IFT122: variants seen among roughly 807,000 people sequenced by gnomAD.
IFT122 encodes the protein intraflagellar transport 122, also known as intraflagellar transport protein 122 homolog.
A neutral mutation model predicts 161.6 loss-of-function variants in IFT122; 118 were observed. The observed-to-expected ratio is 0.73, with a 90% CI of 0.63 to 0.85. IFT122 has a LOEUF of 0.85. Ranked by LOEUF, IFT122 falls within the 40% of genes least tolerant of loss-of-function variation. The pLI, the probability that IFT122 is intolerant of heterozygous loss-of-function variation, is 0.00. For synonymous variants in IFT122, 550 were observed against 602.4 expected, an observed-to-expected ratio of 0.91 and a Z score of 1.27; for missense variants, 1,381 against 1,579.6, an observed-to-expected ratio of 0.87 and a Z score of 2.13.
intron 15 of IFT122, chr3:129,483,967 G>T: frequency 2.0e-6 from 1 of 489,214 alleles, no homozygotes; most frequent in Non-Finnish European, 3.8e-6. Flanking sequence ...CGTGTGTTTT[G>T]CAGAGAGCCC....
chr3:129,465,487 T>C (rs1284694772), intron 7 of IFT122, among the ~76,000 whole-genome samples: 33 of 138,038 alleles, frequency 2.4e-4, no homozygotes, highest in African/African-American at 9.6e-4. Flanking sequence ...TTTTTTTTTT[T>C]TGAGATGGAG....
At chr3:129,478,826 G>A (rs1292474155) in intron 12 of IFT122, among the ~76,000 whole-genome samples, 1 of 152,142 alleles carries the variant, frequency 6.6e-6, no homozygotes, top group Non-Finnish European at 1.5e-5. Context: ...ATAAATTGGT[G>A]TACAGAATGA....
Position 129,514,426 on chromosome 3 carries a change from C to G in IFT122, c.3025C>G (p.Leu1009Val). Residue 1009 changes from leucine (L) to valine (V), a missense_variant, in exon 25 of 30, where the codon CTC becomes GTC. This residue lies in a region of IFT122 where 496 missense variants were observed against 502.5 expected (regional missense o/e 0.99). Transcript: ENST00000348417. ...CACCTTGGCCAAGCAGAGCAAGGCC[C>G]TCGGTGCCTACAGGCTGGCCCGGCA... ...LFTLAKQSKALGAYRLARHAY... is the reference protein window; with the variant it reads ...LFTLAKQSKAVGAYRLARHAY... 6.2e-7 allele frequency: 1 copy of G among 1,614,210 alleles called. No homozygotes were observed. The highest frequency in any genetic ancestry group is 1.1e-5 in the South Asian group (1 of 91,086).
intron 7 of IFT122, among the ~76,000 whole-genome samples, chr3:129,465,540 G>A (rs530917892): frequency 3.5e-5 from 5 of 142,622 alleles, no homozygotes; most frequent in South Asian, 2.2e-4. Flanking sequence ...GCACAATCTC[G>A]GCTCACTGCA....
intron 8 of IFT122, among the ~76,000 whole-genome samples, chr3:129,467,889 C>T (rs1267356933): frequency 6.6e-6 from 1 of 152,228 alleles, no homozygotes; most frequent in Non-Finnish European, 1.5e-5. Flanking sequence ...GGGTCCCCAT[C>T]TCAGTGCCTT....
At position 129,466,901 on chromosome 3, in the gene IFT122, G is replaced by C. The variant is rs1402492516; in HGVS notation, c.575G>C (p.Ser192Thr). The change falls in exon 8 of 30, where the codon AGT becomes ACT. Residue 192 changes from serine (S) to threonine (T), a missense_variant. Coordinates refer to ENST00000348417, the MANE Select transcript of IFT122 (RefSeq NM_052989.3). ...ICWNPSSRWE[S>T]FWMNRENEDA... ...CTTACTGTCTACAGCCGATGGGAGA[G>C]TTTCTGGATGAACAGAGAGAATGAG... 6.2e-7 allele frequency: 1 copy of C among 1,614,136 alleles called. No individual in the cohort carries two copies. The highest frequency in any genetic ancestry group is 8.5e-7 in the Non-Finnish European group (1 of 1,179,936).
At chr3:129,494,080 G>A (rs2080512203) in intron 17 of IFT122, among the ~76,000 whole-genome samples, 1 of 152,182 alleles carries the variant, frequency 6.6e-6, no homozygotes, top group Non-Finnish European at 1.5e-5. Context: ...CTGACGGGGG[G>A]AAAGAACCTG....
At chr3:129,506,284 C>T (rs527859682) in intron 21 of IFT122, 125 bp from the exon 22 acceptor site, 6 of 1,069,278 alleles carry the variant, frequency 5.6e-6, no homozygotes, top group Non-Finnish European at 7.1e-6. Context: ...CGAAGCACTG[C>T]AGATGCTCCA....
At chr3:129,477,768 G>T (rs1426565492) in intron 11 of IFT122, among the ~76,000 whole-genome samples, 1 of 152,206 alleles carries the variant, frequency 6.6e-6, no homozygotes, top group Non-Finnish European at 1.5e-5. Context: ...GCAAGTGATG[G>T]TAACAGTGAG....
chr3:129,516,694 G>GCA (rs771398986), intron 26 of IFT122, among the ~76,000 whole-genome samples: 3,455 of 50,068 alleles, frequency 0.069, 176 homozygotes, highest in Non-Finnish European at 0.076. Flanking sequence ...GATTGCTCCT[G>GCA]CACACACACA....
In IFT122 at chr3:129,476,674, C is replaced by T. The variant is rs1009572821; in HGVS notation, c.1020C>T (p.Cys340=). ...KPDSNYVVVG[C]QDGTISFYQL... is the part of the protein sequence containing the mutation. The stretch of plus-strand genomic sequence containing the variant: ...CTCTCACCCCGCAGGTGGTCGGCTG[C>T]CAGGACGGCACCATTTCCTTCTACC... The change falls in exon 11 of 30, where the codon TGC becomes TGT. Residue 340 remains cysteine, a synonymous_variant. Coordinates refer to ENST00000348417, the MANE Select transcript of IFT122 (RefSeq NM_052989.3). The T allele has an allele frequency of 6.2e-7, 1 of 1,614,082 alleles. No homozygotes were observed. The highest frequency in any genetic ancestry group is 1.3e-5 in the African/African-American group (1 of 74,910).
chr3:129,514,800 C>T, intron 25 of IFT122: 1 of 600,094 alleles, frequency 1.7e-6, no homozygotes, highest in Non-Finnish European at 3.0e-6. Context: ...AGCCTGGCCT[C>T]CCTTGCTCCT....
intron 17 of IFT122, among the ~76,000 whole-genome samples, chr3:129,494,379 A>G (rs923345548): frequency 6.6e-6 from 1 of 152,094 alleles, no homozygotes; most frequent in Non-Finnish European, 1.5e-5. Flanking sequence ...CAAGATTTCA[A>G]TTCATTTCCA....
chr3:129,446,847 T>A (rs1442956970), intron 1 of IFT122, among the ~76,000 whole-genome samples: 1 of 152,166 alleles, frequency 6.6e-6, no homozygotes, highest in Non-Finnish European at 1.5e-5. Flanking sequence ...ACTTTTACTA[T>A]GGGTTGGGTT....
intron 25 of IFT122, 132 bp downstream of exon 25, chr3:129,514,686 A>T (rs2083261689): frequency 9.5e-7 from 1 of 1,048,156 alleles, no homozygotes. Context: ...CCCCCTGCTC[A>T]AGCCTGGCCA....
Position 129,481,700 on chromosome 3 carries a change from G to C in IFT122, c.1653+6G>C. The C allele has an allele frequency of 1.9e-6, 3 of 1,613,914 alleles. No homozygotes were observed. Among genetic ancestry groups the C allele is most frequent in the Non-Finnish European group, 2.5e-6 (3 of 1,179,828 alleles). ...CCAAGGAGCTGCTTTTTCAGGTGAA[G>C]TCCCTGAGGGGGCCCAGGGACATCA... On this transcript the variant is annotated splice_donor_region_variant and intron_variant, in intron 14 of 29. Transcript: ENST00000348417.
chr3:129,441,034 A>G (rs1282396615), intron 1 of IFT122, among the ~76,000 whole-genome samples: 1 of 152,226 alleles, frequency 6.6e-6, no homozygotes, highest in Non-Finnish European at 1.5e-5. Context: ...AGCTCTCCTA[A>G]TTGGGAAGTC....
At chr3:129,462,394 T>TGACA (rs1243818595) in intron 5 of IFT122, among the ~76,000 whole-genome samples, 1 of 152,228 alleles carries the variant, frequency 6.6e-6, no homozygotes, top group East Asian at 1.9e-4. Context: ...TTGAGCTTTA[T>TGACA]GACAGCCCCT....
At chr3:129,518,766 ACAAGTGCCCG>A in intron 27 of IFT122, among the ~76,000 whole-genome samples, 1 of 152,166 alleles carries the variant, frequency 6.6e-6, no homozygotes, top group South Asian at 2.1e-4. Flanking sequence ...CTGCTCCATC[ACAAGTGCCCG>A]CAGACCCCCA....
Sources: gnomAD v4.1 joint callset for allele counts (sites outside exome capture counted in the v4.1 genomes callset) on GRCh38, gnomAD v4.1.1 for gene constraint, gnomAD v4.1.1 regional missense constraint, MANE v1.5 for transcripts, NCBI Gene and HGNC (gene_info 2026-07-23, HGNC 2026-07-21) for gene names.